Variants in LMX1A observed in about 807,000 individuals in gnomAD.
LMX1A encodes the protein LIM homeobox transcription factor 1-alpha.
LMX1A carries 15 observed loss-of-function variants against 49.1 expected under a neutral mutation model. The observed-to-expected ratio is 0.31, with a 90% confidence interval of 0.20 to 0.47. The LOEUF (loss-of-function observed/expected upper bound fraction) is 0.47, where lower values mean the gene tolerates loss of function less well. Among genes scored for constraint, LMX1A ranks in the 20% least tolerant of loss-of-function variants. LMX1A has a pLI of 1.00. For missense variants in LMX1A, 372 were observed against 475.8 expected (o/e 0.78, Z 2.03); for synonymous variants, 167 against 185.7 (o/e 0.90, Z 0.82).
intron 3 of LMX1A, among the ~76,000 whole-genome samples, chr1:165,335,168 C>T (rs1655861828): frequency 6.6e-6 from 1 of 152,128 alleles, no homozygotes; most frequent in Non-Finnish European, 1.5e-5. Flanking sequence ...TATGACCTTC[C>T]TCTCTTTTAA....
At chr1:165,232,530 C>T (rs1012250318) in intron 4 of LMX1A, among the ~76,000 whole-genome samples, 2 of 152,066 alleles carry the variant, frequency 1.3e-5, no homozygotes, top group African/African-American at 2.4e-5. Flanking sequence ...GAGGAAGAGG[C>T]TTCTGGCATC....
At chr1:165,228,953 T>C (rs566545308) in intron 4 of LMX1A, among the ~76,000 whole-genome samples, 1 of 152,296 alleles carries the variant, frequency 6.6e-6, no homozygotes, top group South Asian at 2.1e-4. Context: ...CTGTGTCATA[T>C]ATAGACCAAA....
At chr1:165,304,485 T>C (rs1028017520) in intron 3 of LMX1A, among the ~76,000 whole-genome samples, 3 of 152,242 alleles carry the variant, frequency 2.0e-5, no homozygotes, top group African/African-American at 7.2e-5. Context: ...GGTTTGGATA[T>C]ACAGTCAAAG....
chr1:165,216,813 G>T (rs1651659180), intron 4 of LMX1A, among the ~76,000 whole-genome samples: 1 of 152,088 alleles, frequency 6.6e-6, no homozygotes, highest in Admixed American at 6.5e-5. Context: ...TACAAGCATG[G>T]CCTTTAGCGT....
At chr1:165,293,682 A>G (rs1366020942) in intron 3 of LMX1A, among the ~76,000 whole-genome samples, 1 of 152,246 alleles carries the variant, frequency 6.6e-6, no homozygotes, top group Non-Finnish European at 1.5e-5. Flanking sequence ...TGGAGGCTGG[A>G]AAGTCCAAGA....
intron 3 of LMX1A, among the ~76,000 whole-genome samples, chr1:165,293,093 G>A (rs1372997122): frequency 6.6e-6 from 1 of 150,860 alleles, no homozygotes; most frequent in Non-Finnish European, 1.5e-5. Context: ...CTCTAGCCGG[G>A]CGACAGAGAG....
At chr1:165,304,491 C>G (rs1654869439) in intron 3 of LMX1A, among the ~76,000 whole-genome samples, 1 of 152,210 alleles carries the variant, frequency 6.6e-6, no homozygotes. Flanking sequence ...GATATACAGT[C>G]AAAGATGAAA....
At chr1:165,271,077 T>C (rs991715534) in intron 3 of LMX1A, among the ~76,000 whole-genome samples, 1 of 152,220 alleles carries the variant, frequency 6.6e-6, no homozygotes, top group African/African-American at 2.4e-5. Flanking sequence ...AGTCCTCATT[T>C]ATCCTAGCTA....
chr1:165,329,130 A>C (rs1449485716), intron 3 of LMX1A, among the ~76,000 whole-genome samples: 1 of 152,198 alleles, frequency 6.6e-6, no homozygotes, highest in East Asian at 1.9e-4. Flanking sequence ...AGAAAGGGAA[A>C]CAGGTATGTC....
At chr1:165,261,735 A>G (rs568628362) in intron 3 of LMX1A, among the ~76,000 whole-genome samples, 1 of 152,364 alleles carries the variant, frequency 6.6e-6, no homozygotes, top group African/African-American at 2.4e-5. Context: ...AACATACACT[A>G]CAACATAATG....
At chr1:165,222,241 C>T (rs1651878419) in intron 4 of LMX1A, among the ~76,000 whole-genome samples, 1 of 152,146 alleles carries the variant, frequency 6.6e-6, no homozygotes, top group Admixed American at 6.5e-5. Flanking sequence ...AAGAAGGAGA[C>T]TGTAGAGCTC....
At chr1:165,262,991 C>G (rs1653490742) in intron 3 of LMX1A, among the ~76,000 whole-genome samples, 1 of 152,168 alleles carries the variant, frequency 6.6e-6, no homozygotes, top group African/African-American at 2.4e-5. Context: ...CAGGCTTGGA[C>G]ATCATCAATC....
intron 4 of LMX1A, among the ~76,000 whole-genome samples, chr1:165,215,081 G>A (rs1571151935): frequency 6.6e-6 from 1 of 152,132 alleles, no homozygotes; most frequent in African/African-American, 2.4e-5. Context: ...ACTTTGGGAG[G>A]CCAGGGCAGG....
intron 3 of LMX1A, among the ~76,000 whole-genome samples, chr1:165,299,770 TAA>T (rs35840243): frequency 2.3e-5 from 3 of 131,938 alleles, no homozygotes; most frequent in Non-Finnish European, 1.6e-5. Context: ...AGAAACACAC[TAA>T]AAAAAAAAAA....
chr1:165,202,076 C>CA lies in LMX1A; in HGVS notation c.*1803dup, dbSNP rs936605491. On this transcript the variant is annotated 3_prime_UTR_variant, in exon 9 of 9. Coordinates refer to ENST00000342310, the MANE Select transcript of LMX1A (RefSeq NM_177398.4). Reference sequence around the variant, plus strand: ...TTTGCATAAATTATAAACAAGAGCACAAAAATCACACAACATAGACTCTAC... The same window carrying CA: ...TTTGCATAAATTATAAACAAGAGCACAAAAAATCACACAACATAGACTCTAC... 1.3e-5 allele frequency: 2 copies of CA among 152,532 alleles called. No homozygotes were observed. Among genetic ancestry groups the CA allele is most frequent in the African/African-American group, 4.8e-5 (2 of 41,418 alleles). The allele number at this position is 152,532 out of a possible 1,614,324, so 9.4% of individuals were successfully genotyped here.
chr1:165,242,608 A>G (rs1571172199), intron 4 of LMX1A, among the ~76,000 whole-genome samples: 2 of 152,160 alleles, frequency 1.3e-5, no homozygotes, highest in South Asian at 4.2e-4. Context: ...GCAATTTAAC[A>G]TAAAACTAAT....
At position 165,226,436 on chromosome 1, in the gene LMX1A, G is replaced by A. The variant is rs143257812; in HGVS notation, c.497-12623C>T. Reference sequence around the variant, plus strand: ...TCACAAAGCACAAATGCCATCCAATGTGTGGGCTTAGCTCAGTGTCCTAGA... The same window carrying A: ...TCACAAAGCACAAATGCCATCCAATATGTGGGCTTAGCTCAGTGTCCTAGA... On this transcript the variant is annotated intron_variant, in intron 4 of 8. Coordinates refer to ENST00000342310, the MANE Select transcript of LMX1A (RefSeq NM_177398.4). Among the ~76,000 whole-genome samples, 133 of 152,300 alleles carry A rather than the reference G, an allele frequency of 8.7e-4. 1 individual carries two copies. Among genetic ancestry groups the A allele is most frequent in the African/African-American group, 3.1e-3 (129 of 41,556 alleles).
At chr1:165,329,708 G>GCC (rs1655690898) in intron 3 of LMX1A, among the ~76,000 whole-genome samples, 3 of 151,186 alleles carry the variant, frequency 2.0e-5, no homozygotes, top group African/African-American at 7.3e-5. Flanking sequence ...TTTTGGTGGA[G>GCC]TCTGACAGAA....
chr1:165,280,469 C>T (rs754259903), intron 3 of LMX1A, among the ~76,000 whole-genome samples: 1 of 152,142 alleles, frequency 6.6e-6, no homozygotes, highest in Non-Finnish European at 1.5e-5. Context: ...CAGGGATTCA[C>T]CTCTATGTCT....
Sources: gnomAD v4.1 joint callset for allele counts (sites outside exome capture counted in the v4.1 genomes callset) on GRCh38, gnomAD v4.1.1 for gene constraint, MANE v1.5 for transcripts, NCBI Gene and HGNC (gene_info 2026-07-23, HGNC 2026-07-21) for gene names.